The following ZHX2 variants were observed in gnomAD, a reference collection of about 807,000 sequenced individuals.
The protein encoded by ZHX2 is zinc fingers and homeoboxes protein 2.
Under a neutral mutation model 21.9 loss-of-function variants are expected in ZHX2, and 6 were observed. The observed-to-expected ratio is 0.27, with a 90% CI of 0.15 to 0.54. The LOEUF is 0.54. Among genes scored for constraint, ZHX2 ranks in the 20% least tolerant of loss-of-function variants. ZHX2 has a pLI of 0.95. For synonymous variants in ZHX2, 434 were observed against 437.1 expected (o/e 0.99, Z 0.09); for missense variants, 908 against 1,090.7 (o/e 0.83, Z 2.36).
intron 2 of ZHX2, among the ~76,000 whole-genome samples, chr8:122,916,188 G>A (rs545243920): frequency 7.9e-5 from 12 of 152,318 alleles, no homozygotes; most frequent in African/African-American, 2.4e-4. Flanking sequence ...GCTTTGGCCC[G>A]GATTTCCTCC....
chr8:122,953,193 G>A lies in ZHX2; in HGVS notation c.1683G>A (p.Arg561=), dbSNP rs1271271432. The A allele has an allele frequency of 6.2e-7, 1 of 1,613,756 alleles. No homozygotes were observed. Among genetic ancestry groups the A allele is most frequent in the Admixed American group, 1.7e-5 (1 of 59,984 alleles). ...SSFPTQAELD[R]LRVETKLSRR... ...TTCCTACCCAAGCAGAACTGGATCG[G>A]CTAAGGGTGGAGACCAAGCTGAGCA... Residue 561 remains arginine (R), a synonymous_variant, in exon 3 of 4, where the codon CGG becomes CGA. Transcript: ENST00000314393. The surrounding 1 kb of genome is among the most constrained non-coding windows in gnomAD (Gnocchi z 4.6).
intron 1 of ZHX2, among the ~76,000 whole-genome samples, chr8:122,850,255 G>A (rs1035446718): frequency 1.3e-5 from 2 of 152,044 alleles, no homozygotes; most frequent in Non-Finnish European, 2.9e-5. Context: ...ATGGGTGTGA[G>A]TGACGCTCCT....
At chr8:122,837,984 G>C (rs1157557139) in intron 1 of ZHX2, among the ~76,000 whole-genome samples, 1 of 152,224 alleles carries the variant, frequency 6.6e-6, no homozygotes, top group Non-Finnish European at 1.5e-5. Flanking sequence ...GAAGACAGAG[G>C]CCACCCGCTT....
intron 2 of ZHX2, among the ~76,000 whole-genome samples, chr8:122,879,972 C>CTTT (rs35351207): frequency 7.9e-5 from 10 of 126,396 alleles, no homozygotes; most frequent in South Asian, 2.6e-4. Context: ...CTATTGTTAC[C>CTTT]TTTTTTTTTT....
chr8:122,971,627 A>ATAAAAAATAAAAAATAAAAAAT (rs1402328863), intron 3 of ZHX2, among the ~76,000 whole-genome samples: 19 of 151,374 alleles, frequency 1.3e-4, no homozygotes, highest in East Asian at 1.2e-3. Flanking sequence ...AAAAAAAAAA[A>ATAAAAAATAAAAAATAAAAAAT]AAAAATTCCT....
chr8:122,941,393 G>A (rs1812839872), intron 2 of ZHX2, among the ~76,000 whole-genome samples: 1 of 152,200 alleles, frequency 6.6e-6, no homozygotes, highest in African/African-American at 2.4e-5. Flanking sequence ...CACAAACACA[G>A]ATAACAGGAA....
chr8:122,919,963 T>G lies in ZHX2; in HGVS notation c.-219-31329T>G, dbSNP rs184077335. ...AACAGTATCTGCATATTCTTACAAT[T>G]TGCATGTTTTTACAGAAATTTGAAT... On this transcript the variant is annotated intron_variant, in intron 2 of 3. Coordinates refer to ENST00000314393, the MANE Select transcript of ZHX2 (RefSeq NM_014943.5). 2.9e-3 allele frequency among the ~76,000 whole-genome samples: 447 copies of G among 152,298 alleles called. 3 individuals carry two copies. The highest frequency in any genetic ancestry group is 0.017 in the Middle Eastern group (5 of 294).
chr8:122,875,157 A>ATCC (rs1819539402), intron 2 of ZHX2, among the ~76,000 whole-genome samples: 1 of 14,264 alleles, frequency 7.0e-5, no homozygotes. Context: ...ATATATATAT[A>ATCC]TATATATATA....
chr8:122,796,043 C>T (rs934291802), intron 1 of ZHX2, among the ~76,000 whole-genome samples: 25 of 151,940 alleles, frequency 1.6e-4, no homozygotes, highest in Middle Eastern at 3.4e-3. Flanking sequence ...TGGTGGCAGG[C>T]GCCTGTAATG....
At chr8:122,822,835 A>G (rs1818183156) in intron 1 of ZHX2, among the ~76,000 whole-genome samples, 2 of 152,126 alleles carry the variant, frequency 1.3e-5, no homozygotes, top group African/African-American at 4.8e-5. Flanking sequence ...GTGAGTGGAG[A>G]CTGCTCCCGA....
chr8:122,812,473 G>A (rs1421793343), intron 1 of ZHX2, among the ~76,000 whole-genome samples: 4 of 152,180 alleles, frequency 2.6e-5, no homozygotes, highest in Admixed American at 6.5e-5. Flanking sequence ...CTTGCCCAAG[G>A]CCACAGAGTG....
intron 1 of ZHX2, among the ~76,000 whole-genome samples, chr8:122,797,084 A>G (rs1343269473): frequency 6.6e-6 from 1 of 152,190 alleles, no homozygotes; most frequent in Non-Finnish European, 1.5e-5. Context: ...TGGGATAGGC[A>G]TTGGATGAGA....
At chr8:122,812,810 T>G (rs989875258) in intron 1 of ZHX2, among the ~76,000 whole-genome samples, 3 of 152,130 alleles carry the variant, frequency 2.0e-5, no homozygotes, top group African/African-American at 7.2e-5. Context: ...TCATAGTAAA[T>G]ACTGATACCA....
At chr8:122,843,959 T>TCACACACACACACACACA (rs3221811) in intron 1 of ZHX2, among the ~76,000 whole-genome samples, 111 of 148,936 alleles carry the variant, frequency 7.5e-4, no homozygotes, top group Admixed American at 3.3e-3. Context: ...TTCTCACCCT[T>TCACACACACACACACACA]CACACACACA....
intron 3 of ZHX2, among the ~76,000 whole-genome samples, chr8:122,958,296 C>T (rs1649120091): frequency 6.6e-6 from 1 of 152,258 alleles, no homozygotes; most frequent in South Asian, 2.1e-4. Context: ...TGTCTTGATT[C>T]AGTCCCTGTG....
intron 1 of ZHX2, among the ~76,000 whole-genome samples, chr8:122,824,141 G>A (rs1428006804): frequency 1.3e-5 from 2 of 152,104 alleles, no homozygotes; most frequent in East Asian, 3.8e-4. Context: ...AGTCAAAGCT[G>A]ACCCTGGGAG....
chr8:122,878,878 G>T lies in ZHX2; in HGVS notation c.-220+15339G>T, dbSNP rs184644450. Among the ~76,000 whole-genome samples the T allele has an allele frequency of 9.4e-3, 1,437 of 152,244 alleles. 13 individuals are homozygous for T. Among genetic ancestry groups the T allele is most frequent in the Middle Eastern group, 0.051 (15 of 294 alleles). Reference sequence around the variant, plus strand: ...GCTCTAAGAACCATGAGGTGAACTTGACCTCAAAGTGAGACCTTGACATTG... The same window carrying T: ...GCTCTAAGAACCATGAGGTGAACTTTACCTCAAAGTGAGACCTTGACATTG... On this transcript the variant is annotated intron_variant, in intron 2 of 3. Coordinates refer to ENST00000314393, the MANE Select transcript of ZHX2 (RefSeq NM_014943.5).
At chr8:122,848,821 G>A (rs1818815164) in intron 1 of ZHX2, among the ~76,000 whole-genome samples, 1 of 152,240 alleles carries the variant, frequency 6.6e-6, no homozygotes, top group South Asian at 2.1e-4. Flanking sequence ...TCCGATCTCG[G>A]TCCTCATGGC....
intron 2 of ZHX2, among the ~76,000 whole-genome samples, chr8:122,873,626 A>G (rs141649307): frequency 6.6e-6 from 1 of 152,316 alleles, no homozygotes; most frequent in East Asian, 1.9e-4. Flanking sequence ...GCAGACAACA[A>G]TGTATTTGAT....
Sources: allele counts gnomAD v4.1 joint callset (sites outside exome capture counted in the v4.1 genomes callset), GRCh38; gene constraint gnomAD v4.1.1; non-coding constraint Gnocchi (gnomAD v3.1); transcripts MANE v1.5; gene names NCBI Gene and HGNC (gene_info 2026-07-23, HGNC 2026-07-21).